Variants in SH3BP5 observed in about 807,000 individuals in gnomAD.
SH3BP5 encodes the protein SH3 domain binding protein 5.
SH3BP5 carries 22 observed loss-of-function variants against 43.3 expected under a neutral mutation model. That is an observed-to-expected ratio of 0.51 (90% CI 0.36 to 0.73). The LOEUF (loss-of-function observed/expected upper bound fraction) is 0.73, where lower values mean the gene tolerates loss of function less well. SH3BP5 is among the 30% of genes least tolerant of loss of function. SH3BP5 has a pLI of 0.00. For missense variants in SH3BP5, 529 were observed against 586.9 expected (o/e 0.90, Z 1.02); for synonymous variants, 255 against 225.8 (o/e 1.13, Z -1.16).
Position 15,303,369 on chromosome 3 carries a change from C to A in SH3BP5, c.330+734G>T, listed in dbSNP as rs142360085. On this transcript the variant is annotated intron_variant, in intron 3 of 8. Transcript: ENST00000383791. ...AGCCCCCAGCCCAGAGCCTGCCACA[C>A]AGCAGGTACTAGTAACTGTTGAGGG... is the stretch of plus-strand genomic sequence containing the variant. 8.1e-4 allele frequency among the ~76,000 whole-genome samples: 124 copies of A among 152,346 alleles called. 1 individual carries two copies. The highest frequency in any genetic ancestry group is 3.0e-3 in the African/African-American group (123 of 41,590).
At chr3:15,334,795 AC>A (rs1698681937), upstream of SH3BP5, among the ~76,000 whole-genome samples, 1 of 151,994 alleles carries the variant, frequency 6.6e-6, no homozygotes, top group African/African-American at 2.4e-5. Flanking sequence ...TACAAAAAAT[AC>A]AAAAAATTCG....
intron 2 of SH3BP5, among the ~76,000 whole-genome samples, chr3:15,320,559 C>T (rs998928593): frequency 1.4e-5 from 2 of 143,880 alleles, no homozygotes; most frequent in South Asian, 4.5e-4. Context: ...ACCTGGGCTG[C>T]CTGCCAAAGG....
chr3:15,258,797 T>C (rs1696319698), intron 7 of SH3BP5, 34 bp downstream of exon 7: 4 of 1,552,174 alleles, frequency 2.6e-6, no homozygotes, highest in African/African-American at 1.4e-5. Context: ...CAGTCTGATA[T>C]CTCCCCACAT....
chr3:15,267,225 G>A (rs73144062), intron 4 of SH3BP5, among the ~76,000 whole-genome samples: 7,959 of 152,310 alleles, frequency 0.052, 725 homozygotes, highest in African/African-American at 0.18. Context: ...AGTCCAGAGA[G>A]TTCCCAGTTA....
intron 7 of SH3BP5, chr3:15,258,576 A>T: frequency 3.8e-6 from 2 of 524,612 alleles, no homozygotes; most frequent in Non-Finnish European, 3.4e-6. Context: ...TCAAATGTAT[A>T]CTTTGACTCT....
chr3:15,303,929 T>A (rs1394038721), intron 3 of SH3BP5, among the ~76,000 whole-genome samples, 174 bp downstream of exon 3: 4 of 152,140 alleles, frequency 2.6e-5, no homozygotes, highest in Non-Finnish European at 5.9e-5. Context: ...ACTCACACCC[T>A]ATTAATAGTG....
At position 15,282,832 on chromosome 3, in the gene SH3BP5, G is replaced by T. The variant is rs184137334; in HGVS notation, c.331-12955C>A. Among the ~76,000 whole-genome samples the T allele has an allele frequency of 2.3e-3, 343 of 152,132 alleles. 1 individual carries two copies. Among genetic ancestry groups the T allele is most frequent in the Non-Finnish European group, 4.3e-3 (294 of 68,002 alleles). ...AAAAAGCTAGAGGGGGAGGGTGGAC[G>T]AAACCTGATTGGCAAGAGGTTAACA... On this transcript the variant is annotated intron_variant, in intron 3 of 8. Coordinates refer to ENST00000383791, the MANE Select transcript of SH3BP5 (RefSeq NM_004844.5).
chr3:15,303,281 G>A (rs1343213191), intron 3 of SH3BP5, among the ~76,000 whole-genome samples: 1 of 152,192 alleles, frequency 6.6e-6, no homozygotes, highest in Admixed American at 6.5e-5. Context: ...AGGCATCACA[G>A]GGTTGGTGAT....
chr3:15,265,530 A>T (rs962176657), intron 4 of SH3BP5, among the ~76,000 whole-genome samples: 25 of 132,688 alleles, frequency 1.9e-4, no homozygotes, highest in African/African-American at 6.2e-4. Flanking sequence ...ACACACACAC[A>T]CACACACACA....
chr3:15,287,777 C>T lies in SH3BP5; in HGVS notation c.330+16326G>A, dbSNP rs183072442. 1.0e-3 allele frequency among the ~76,000 whole-genome samples: 154 copies of T among 152,302 alleles called. 1 individual carries two copies. The highest frequency in any genetic ancestry group is 3.3e-3 in the African/African-American group (138 of 41,564). Reference sequence around the variant, plus strand: ...AGAAATCATGAGTAGAACACCACGACGTACCCTGCAATTGTGAGTAGTGAC... The same window carrying T: ...AGAAATCATGAGTAGAACACCACGATGTACCCTGCAATTGTGAGTAGTGAC... On this transcript the variant is annotated intron_variant, in intron 3 of 8. Transcript: ENST00000383791.
intron 1 of SH3BP5, chr3:15,331,998 C>G (rs1490436293): frequency 2.3e-6 from 1 of 436,608 alleles, no homozygotes. Context: ...CACATCCACC[C>G]GAACCACCAG....
intron 2 of SH3BP5, among the ~76,000 whole-genome samples, chr3:15,327,402 GA>G (rs112066433): frequency 4.8e-5 from 7 of 147,060 alleles, no homozygotes; most frequent in South Asian, 2.2e-4. Context: ...TCCGTCTCAG[GA>G]AAAAAAAAAC....
At chr3:15,332,244 G>T in intron 1 of SH3BP5, 27 bp downstream of exon 1, 1 of 1,551,084 alleles carries the variant, frequency 6.4e-7, no homozygotes. Context: ...GCGAAGCCCG[G>T]ATGCGGGGCG....
At chr3:15,291,422 C>T (rs1697410110) in intron 3 of SH3BP5, among the ~76,000 whole-genome samples, 2 of 152,120 alleles carry the variant, frequency 1.3e-5, no homozygotes, top group Admixed American at 6.5e-5. Flanking sequence ...AAAATATAGG[C>T]CTTCCAGTTA....
intron 2 of SH3BP5, among the ~76,000 whole-genome samples, chr3:15,320,123 G>C (rs936059351): frequency 6.6e-6 from 1 of 152,130 alleles, no homozygotes; most frequent in Non-Finnish European, 1.5e-5. Context: ...GGAAACAAAA[G>C]GGTGTGGTGA....
intron 2 of SH3BP5, among the ~76,000 whole-genome samples, chr3:15,305,769 G>T (rs1697885574): frequency 6.6e-6 from 1 of 152,144 alleles, no homozygotes; most frequent in Non-Finnish European, 1.5e-5. Flanking sequence ...AGAGATAAGG[G>T]TGGCCATCCA....
chr3:15,276,674 G>A (rs1305772264), intron 3 of SH3BP5, among the ~76,000 whole-genome samples: 3 of 152,210 alleles, frequency 2.0e-5, no homozygotes, highest in African/African-American at 4.8e-5. Flanking sequence ...GCTGCCCAAA[G>A]TCATACTCTA....
intron 3 of SH3BP5, among the ~76,000 whole-genome samples, chr3:15,280,757 G>C (rs1017127165): frequency 6.6e-6 from 1 of 152,130 alleles, no homozygotes; most frequent in African/African-American, 2.4e-5. Context: ...CAGCAGGGCT[G>C]TATCTTCCTC....
chr3:15,331,823 A>T (rs1303687791), intron 1 of SH3BP5: 1 of 162,952 alleles, frequency 6.1e-6, no homozygotes, highest in African/African-American at 2.4e-5. Context: ...CACCGGTGCC[A>T]GCCCGCGCTG....
Sources: gnomAD v4.1 joint callset for allele counts (sites outside exome capture counted in the v4.1 genomes callset) on GRCh38, gnomAD v4.1.1 for gene constraint, MANE v1.5 for transcripts, NCBI Gene and HGNC (gene_info 2026-07-23, HGNC 2026-07-21) for gene names.